Variants in TTC39B observed in about 807,000 individuals in gnomAD.
TTC39B encodes the protein tetratricopeptide repeat domain 39B, also known as tetratricopeptide repeat protein 39B.
In TTC39B, 92 loss-of-function variants were observed where a neutral mutation model predicts 96.6. That is an observed-to-expected ratio of 0.95 (90% CI 0.80 to 1.13). The LOEUF (loss-of-function observed/expected upper bound fraction) is 1.13. Among genes scored for constraint, TTC39B ranks in the 50% most tolerant of loss-of-function variants. TTC39B has a pLI of 0.00. For synonymous variants in TTC39B, 367 were observed against 299.4 expected (o/e 1.23, Z -2.33); for missense variants, 955 against 809.3 (o/e 1.18, Z -2.18).
At chr9:15,237,474 C>T (rs1333629147) in intron 2 of TTC39B, among the ~76,000 whole-genome samples, 1 of 151,960 alleles carries the variant, frequency 6.6e-6, no homozygotes, top group Non-Finnish European at 1.5e-5. Context: ...CACAGAAATA[C>T]AAATGATCAT....
chr9:15,228,135 G>A (rs1042554681), intron 2 of TTC39B, among the ~76,000 whole-genome samples: 1 of 151,866 alleles, frequency 6.6e-6, no homozygotes, highest in Non-Finnish European at 1.5e-5. Flanking sequence ...ACATAAATTT[G>A]GTGTGCCAGG....
intron 19 of TTC39B, among the ~76,000 whole-genome samples, chr9:15,174,053 T>C: frequency 6.6e-6 from 1 of 152,206 alleles, no homozygotes; most frequent in East Asian, 1.9e-4. Context: ...GCTTTAATTA[T>C]GCAAATCTCA....
chr9:15,168,661 A>C (rs1487361063), exon 20 of TTC39B: 1 of 152,298 alleles, frequency 6.6e-6, no homozygotes, highest in Non-Finnish European at 1.5e-5. Flanking sequence ...AAATACAAAA[A>C]ATTAGCCAGG....
intron 18 of TTC39B, among the ~76,000 whole-genome samples, chr9:15,175,666 T>G (rs2118486510): frequency 6.6e-6 from 1 of 152,286 alleles, no homozygotes. Context: ...AATGCATAGC[T>G]TAGCTCACCA....
exon 14 of TTC39B, chr9:15,188,007 A>G (rs762412435): frequency 1.2e-6 from 2 of 1,611,542 alleles, no homozygotes; most frequent in South Asian, 2.2e-5. Flanking sequence ...GCAGATCTGA[A>G]TAGTAATATG....
chr9:15,202,278 A>G (rs905507013), intron 7 of TTC39B, among the ~76,000 whole-genome samples: 2 of 152,204 alleles, frequency 1.3e-5, no homozygotes, highest in Non-Finnish European at 2.9e-5. Flanking sequence ...AGGCAGTAAG[A>G]CTGTTGTTAT....
chr9:15,232,718 C>T (rs940219878), intron 2 of TTC39B, among the ~76,000 whole-genome samples: 1 of 152,216 alleles, frequency 6.6e-6, no homozygotes, highest in Non-Finnish European at 1.5e-5. Flanking sequence ...AGGCAGCAGC[C>T]GTTGCTGCGA....
intron 2 of TTC39B, among the ~76,000 whole-genome samples, chr9:15,229,183 T>A (rs1821291811): frequency 6.6e-6 from 1 of 152,212 alleles, no homozygotes; most frequent in Non-Finnish European, 1.5e-5. Flanking sequence ...AACACACAAA[T>A]ATAATCTAGA....
exon 20 of TTC39B, chr9:15,169,530 C>CA (rs1309833820): frequency 6.6e-6 from 1 of 152,120 alleles, no homozygotes; most frequent in Non-Finnish European, 1.5e-5. Flanking sequence ...AAATGCCCCT[C>CA]AAAAAACTAG....
At chr9:15,286,986 G>T (rs1298294987) in intron 1 of TTC39B, among the ~76,000 whole-genome samples, 1 of 152,028 alleles carries the variant, frequency 6.6e-6, no homozygotes, top group East Asian at 1.9e-4. Context: ...TGAGAATTCT[G>T]TTTTGTCAAG....
At chr9:15,270,652 C>T (rs1044014530) in intron 1 of TTC39B, among the ~76,000 whole-genome samples, 3 of 150,030 alleles carry the variant, frequency 2.0e-5, no homozygotes, top group Non-Finnish European at 1.5e-5. Flanking sequence ...AGGTGGTGCA[C>T]ACCTGTAGTC....
chr9:15,212,330 T>C (rs1474770349), intron 4 of TTC39B, among the ~76,000 whole-genome samples: 1 of 150,246 alleles, frequency 6.7e-6, no homozygotes, highest in African/African-American at 2.5e-5. Context: ...AGTTAATCAT[T>C]AATTGTGGTT....
intron 16 of TTC39B, among the ~76,000 whole-genome samples, chr9:15,183,102 A>C (rs2118639426): frequency 6.6e-6 from 1 of 152,286 alleles, no homozygotes. Flanking sequence ...AAGGGTATGA[A>C]GTAAGCAGGG....
chr9:15,174,826 C>T (rs1817842979), intron 19 of TTC39B, among the ~76,000 whole-genome samples, 193 bp downstream of exon 19: 1 of 152,056 alleles, frequency 6.6e-6, no homozygotes, highest in African/African-American at 2.4e-5. Context: ...CAGGGTGAGG[C>T]AGTAAGAGGG....
In TTC39B at chr9:15,280,789, T is replaced by G. The variant is rs141716828; in HGVS notation, c.241-12841A>C. Reference sequence around the variant, plus strand: ...TGAGAACTTAGCTTGAGTCTGGTCCTTCCCAATTCCAAAAGTAGGAGGAGT... The same window carrying G: ...TGAGAACTTAGCTTGAGTCTGGTCCGTCCCAATTCCAAAAGTAGGAGGAGT... On this transcript the variant is annotated intron_variant, in intron 1 of 19. Transcript: ENST00000512701. Among the ~76,000 whole-genome samples the G allele has an allele frequency of 2.6e-3, 394 of 152,304 alleles. 2 individuals are homozygous for G. Among genetic ancestry groups the G allele is most frequent in the African/African-American group, 9.0e-3 (373 of 41,568 alleles).
intron 1 of TTC39B, among the ~76,000 whole-genome samples, chr9:15,281,875 A>G (rs563473083): frequency 5.3e-5 from 8 of 152,072 alleles, no homozygotes; most frequent in Admixed American, 5.2e-4. Flanking sequence ...GTGGGGTTTC[A>G]CTATGTTGGT....
At chr9:15,304,012 T>A (rs375601392) in intron 1 of TTC39B, among the ~76,000 whole-genome samples, 2 of 152,132 alleles carry the variant, frequency 1.3e-5, no homozygotes, top group Non-Finnish European at 2.9e-5. Flanking sequence ...TTTTGGCACT[T>A]GAGATAATTA....
intron 1 of TTC39B, among the ~76,000 whole-genome samples, chr9:15,301,002 A>G (rs1019934683): frequency 2.0e-5 from 3 of 151,126 alleles, no homozygotes; most frequent in African/African-American, 7.3e-5. Flanking sequence ...GACCCAAGTC[A>G]GCCTTTTTGG....
intron 13 of TTC39B, 124 bp from the exon 14 acceptor site, chr9:15,188,256 T>A: frequency 1.1e-6 from 1 of 884,988 alleles, no homozygotes; most frequent in Non-Finnish European, 1.6e-6. Context: ...AACCTCTCAA[T>A]ATGATGATAT....
Sources: allele counts gnomAD v4.1 joint callset (sites outside exome capture counted in the v4.1 genomes callset), GRCh38; gene constraint gnomAD v4.1.1; transcripts MANE v1.5; gene names NCBI Gene and HGNC (gene_info 2026-07-23, HGNC 2026-07-21).